Variants in CTNND2 observed in about 807,000 individuals in gnomAD.
CTNND2 encodes the protein catenin delta 2.
A neutral mutation model predicts 144.4 loss-of-function variants in CTNND2; 22 were observed. That is an observed-to-expected ratio of 0.15 (90% confidence interval 0.11 to 0.22). CTNND2 has a LOEUF of 0.22. Among genes scored for constraint, CTNND2 ranks in the 10% least tolerant of loss-of-function variants. CTNND2 has a pLI of 1.00. For missense variants in CTNND2, 1,353 were observed against 1,618.8 expected (o/e 0.84, Z 2.82); for synonymous variants, 751 against 695.6 (o/e 1.08, Z -1.25).
intron 2 of CTNND2, among the ~76,000 whole-genome samples, chr5:11,719,408 G>C (rs1379309130): frequency 6.6e-6 from 1 of 152,106 alleles, no homozygotes; most frequent in Non-Finnish European, 1.5e-5. Flanking sequence ...AAGATAATCA[G>C]ATGTCCCACC....
chr5:11,324,679 T>C (rs1346465169), intron 9 of CTNND2, among the ~76,000 whole-genome samples: 1 of 152,194 alleles, frequency 6.6e-6, no homozygotes, highest in East Asian at 1.9e-4. Context: ...CTGGAAAAGA[T>C]GAAATGCCTG....
At chr5:11,163,997 C>T (rs1322782547) in intron 11 of CTNND2, among the ~76,000 whole-genome samples, 1 of 152,114 alleles carries the variant, frequency 6.6e-6, no homozygotes, top group Non-Finnish European at 1.5e-5. Context: ...GCAAGGCTGG[C>T]TCCTTCCAGA....
At chr5:11,693,416 T>C (rs1435442433) in intron 2 of CTNND2, among the ~76,000 whole-genome samples, 1 of 152,246 alleles carries the variant, frequency 6.6e-6, no homozygotes, top group Non-Finnish European at 1.5e-5. Flanking sequence ...TGCATTTCAT[T>C]TTAGGGAAGT....
chr5:11,506,447 T>G (rs1771042416), intron 3 of CTNND2, among the ~76,000 whole-genome samples: 1 of 152,160 alleles, frequency 6.6e-6, no homozygotes, highest in Non-Finnish European at 1.5e-5. Flanking sequence ...GGATACAAAA[T>G]AGCCAAAATG....
chr5:11,285,142 T>C (rs1401752738), intron 9 of CTNND2, among the ~76,000 whole-genome samples: 1 of 152,234 alleles, frequency 6.6e-6, no homozygotes, highest in Non-Finnish European at 1.5e-5. Context: ...TCCTTCACAA[T>C]ACTCCAGGTT....
chr5:11,159,969 G>A (rs1758605524), intron 11 of CTNND2, among the ~76,000 whole-genome samples: 1 of 152,210 alleles, frequency 6.6e-6, no homozygotes, highest in Non-Finnish European at 1.5e-5. Flanking sequence ...GAGGAACTGT[G>A]ACATGATTAT....
intron 1 of CTNND2, among the ~76,000 whole-genome samples, chr5:11,866,508 C>A (rs1215590987): frequency 6.6e-6 from 1 of 152,156 alleles, no homozygotes; most frequent in Non-Finnish European, 1.5e-5. Context: ...GGTTAACCAT[C>A]TACAAAAATT....
rs554991140 is a variant in CTNND2 at position 11,200,803 on chromosome 5, C to T, written c.1762-1142G>A. On this transcript the variant is annotated intron_variant, in intron 10 of 21. Coordinates refer to ENST00000304623, the MANE Select transcript of CTNND2 (RefSeq NM_001332.4). Reference sequence around the variant, plus strand: ...ACGCCATTCTCCTGCCTCAGCCTCCCGAGTAACTGGGACTATAGGCGTCCG... The same window carrying T: ...ACGCCATTCTCCTGCCTCAGCCTCCTGAGTAACTGGGACTATAGGCGTCCG... Among the ~76,000 whole-genome samples, 4 of 152,306 alleles carry T rather than the reference C, an allele frequency of 2.6e-5. No individual in the cohort carries two copies. The South Asian group carries it at 6.2e-4, about 24-fold the overall frequency.
intron 16 of CTNND2, among the ~76,000 whole-genome samples, chr5:11,048,063 C>T (rs567860711): frequency 1.3e-5 from 2 of 152,294 alleles, no homozygotes; most frequent in African/African-American, 4.8e-5. Context: ...TGGCATTCCT[C>T]TAGCACAGCA....
intron 2 of CTNND2, among the ~76,000 whole-genome samples, chr5:11,592,729 T>C (rs560548308): frequency 1.5e-3 from 223 of 151,074 alleles, no homozygotes; most frequent in Non-Finnish European, 1.9e-3. Flanking sequence ...CATGCTTTTC[T>C]GGGGGGGTAA....
intron 2 of CTNND2, among the ~76,000 whole-genome samples, chr5:11,622,476 G>A (rs1198581923): frequency 6.6e-6 from 1 of 152,164 alleles, no homozygotes; most frequent in Admixed American, 6.6e-5. Flanking sequence ...GTTCTTATCA[G>A]AAATGGACAT....
intron 2 of CTNND2, among the ~76,000 whole-genome samples, chr5:11,727,280 G>A (rs1340758309): frequency 6.6e-6 from 1 of 151,922 alleles, no homozygotes; most frequent in African/African-American, 2.4e-5. Flanking sequence ...TACCCTCCTG[G>A]AACTCTAAAC....
At position 11,545,462 on chromosome 5, in the gene CTNND2, A is replaced by G. The variant is rs369076032; in HGVS notation, c.287+19482T>C. Among the ~76,000 whole-genome samples the G allele has an allele frequency of 3.9e-5, 6 of 151,968 alleles. 1 individual carries two copies. The highest frequency in any genetic ancestry group is 1.9e-4 in the East Asian group (1 of 5,166). On this transcript the variant is annotated intron_variant, in intron 3 of 21. Transcript: ENST00000304623. The stretch of plus-strand genomic sequence containing the variant: ...TGAGGTGGGTGGATCATCTGAGTTC[A>G]GGAGTTCTAGCAGTGTGGCCACACC...
Position 11,741,615 on chromosome 5 carries a change from T to C in CTNND2, c.38-9343A>G, listed in dbSNP as rs180840323. Among the ~76,000 whole-genome samples the C allele has an allele frequency of 5.6e-3, 857 of 152,056 alleles. 31 individuals carry two copies. The highest frequency in any genetic ancestry group is 0.048 in the Admixed American group (731 of 15,248). On this transcript the variant is annotated intron_variant, in intron 1 of 21. Coordinates refer to ENST00000304623, the MANE Select transcript of CTNND2 (RefSeq NM_001332.4). ...AGATAGCATTAGGAGAAATACCTAATGTAAATGTCGAGTTGATGGGTGTAG... is the reference window on the plus strand; with the variant it reads ...AGATAGCATTAGGAGAAATACCTAACGTAAATGTCGAGTTGATGGGTGTAG...
Position 11,810,206 on chromosome 5 carries a change from T to C in CTNND2, c.38-77934A>G, listed in dbSNP as rs77130048. Among the ~76,000 whole-genome samples, 575 of 152,288 alleles carry C rather than the reference T, an allele frequency of 3.8e-3. 4 individuals carry two copies. The highest frequency in any genetic ancestry group is 6.5e-3 in the Non-Finnish European group (443 of 68,024). ...TATCTACTATAGTAGTTTTCAATGG[T>C]ATTAATTTTGCTAAAGTTGACATCT... On this transcript the variant is annotated intron_variant, in intron 1 of 21. Transcript: ENST00000304623.
intron 11 of CTNND2, among the ~76,000 whole-genome samples, chr5:11,166,572 C>G (rs371596054): frequency 1.2e-4 from 18 of 151,826 alleles, no homozygotes; most frequent in African/African-American, 4.1e-4. Context: ...TTTAAAAAAA[C>G]CAGAGTTAGG....
intron 2 of CTNND2, among the ~76,000 whole-genome samples, chr5:11,698,748 T>C (rs1252144530): frequency 6.6e-6 from 1 of 152,140 alleles, no homozygotes; most frequent in Admixed American, 6.6e-5. Context: ...TCATTTGAAA[T>C]GTTATGAAAG....
intron 1 of CTNND2, among the ~76,000 whole-genome samples, chr5:11,883,394 C>T (rs1736276971): frequency 6.6e-6 from 1 of 152,058 alleles, no homozygotes; most frequent in Admixed American, 6.6e-5. Flanking sequence ...ACGTGTTCTC[C>T]TTATTCAGCT....
chr5:11,364,675 A>T (rs1412614252), intron 8 of CTNND2, 21 bp downstream of exon 8: 1 of 1,586,638 alleles, frequency 6.3e-7, no homozygotes, highest in Admixed American at 1.9e-5. Context: ...CAGGCCACCC[A>T]GTGGGGTCCT....
Sources: allele counts gnomAD v4.1 joint callset (sites outside exome capture counted in the v4.1 genomes callset), GRCh38; gene constraint gnomAD v4.1.1; transcripts MANE v1.5; gene names NCBI Gene and HGNC (gene_info 2026-07-23, HGNC 2026-07-21).